UNC5B: variants seen among roughly 807,000 people sequenced by gnomAD.
UNC5B encodes unc-5 netrin receptor B.
UNC5B carries 56 observed loss-of-function variants against 103.7 expected under a neutral mutation model. The ratio of observed to expected loss-of-function variants is 0.54; its 90% CI spans 0.44 to 0.67. The LOEUF (loss-of-function observed/expected upper bound fraction) is 0.67, where lower values mean the gene tolerates loss of function less well. Ranked by LOEUF, UNC5B falls within the 30% of genes least tolerant of loss-of-function variation. The probability of loss-of-function intolerance (pLI) is 0.00; values close to 1 mark genes in which losing one functional copy is unlikely to be tolerated. For missense variants in UNC5B, 1,194 were observed against 1,284.5 expected (o/e 0.93, Z 1.08); for synonymous variants, 577 against 542.0 (o/e 1.06, Z -0.90).
chr10:71,260,783 C>T (rs1295560976), intron 1 of UNC5B, among the ~76,000 whole-genome samples: 1 of 152,252 alleles, frequency 6.6e-6, no homozygotes, highest in Non-Finnish European at 1.5e-5. Flanking sequence ...GACTGAGTCA[C>T]TGCAGGCCAA....
intron 1 of UNC5B, among the ~76,000 whole-genome samples, chr10:71,225,417 G>A (rs898466701): frequency 6.6e-6 from 1 of 152,222 alleles, no homozygotes; most frequent in Non-Finnish European, 1.5e-5. Context: ...GGCCACAGCT[G>A]TTGAGCTAAG....
At chr10:71,295,378 C>T (rs937834739) in intron 13 of UNC5B, among the ~76,000 whole-genome samples, 1 of 151,052 alleles carries the variant, frequency 6.6e-6, no homozygotes, top group African/African-American at 2.5e-5. Context: ...ATCCATCCAT[C>T]TGTCTTTCTG....
chr10:71,281,548 G>T (rs1844928706), intron 2 of UNC5B, among the ~76,000 whole-genome samples: 2 of 152,206 alleles, frequency 1.3e-5, no homozygotes, highest in Non-Finnish European at 2.9e-5. Flanking sequence ...CACCGTGTTA[G>T]CCAGGATGGT....
intron 1 of UNC5B, among the ~76,000 whole-genome samples, chr10:71,223,957 A>T (rs1843504482): frequency 6.6e-6 from 1 of 152,196 alleles, no homozygotes; most frequent in Non-Finnish European, 1.5e-5. Flanking sequence ...AGTTCTGGCC[A>T]TGGGGTCTGG....
At chr10:71,272,898 T>C (rs1844680529) in intron 1 of UNC5B, among the ~76,000 whole-genome samples, 1 of 151,838 alleles carries the variant, frequency 6.6e-6, no homozygotes, top group Non-Finnish European at 1.5e-5. Context: ...TTTGTTTGTT[T>C]GTTTGTTTTG....
At chr10:71,238,327 G>T (rs867571236) in intron 1 of UNC5B, among the ~76,000 whole-genome samples, 1 of 152,146 alleles carries the variant, frequency 6.6e-6, no homozygotes, top group Non-Finnish European at 1.5e-5. Context: ...CACTTCTCCA[G>T]AGTGGCTCTT....
chr10:71,251,853 A>G (rs1254715127), intron 1 of UNC5B, among the ~76,000 whole-genome samples: 1 of 152,108 alleles, frequency 6.6e-6, no homozygotes, highest in African/African-American at 2.4e-5. Flanking sequence ...CAGGAAAAAA[A>G]CCCACAGGCT....
Position 71,286,748 on chromosome 10 carries a change from C to A in UNC5B, c.612C>A (p.Leu204=), listed in dbSNP as rs1254785302. Residue 204 remains leucine (L), a synonymous_variant, in exon 5 of 17, where the codon CTC becomes CTA. Coordinates refer to ENST00000335350, the MANE Select transcript of UNC5B (RefSeq NM_170744.5). The part of the protein sequence containing the change: ...IDPTQDTNFL[L]TIDHNLIIRQ... The stretch of plus-strand genomic sequence containing the variant: ...CCACCCAGGACACCAACTTCCTGCT[C>A]ACCATCGACCACAACCTCATCATCC... The A allele has an allele frequency of 6.2e-7, 1 of 1,614,222 alleles. No individual in the cohort carries two copies. The highest frequency in any genetic ancestry group is 8.5e-7 in the Non-Finnish European group (1 of 1,180,042).
chr10:71,229,677 C>T (rs1450077303), intron 1 of UNC5B, among the ~76,000 whole-genome samples: 1 of 152,240 alleles, frequency 6.6e-6, no homozygotes, highest in Non-Finnish European at 1.5e-5. Flanking sequence ...TGGGGCATCT[C>T]CCTCTCACTT....
In UNC5B at chr10:71,293,708, G is replaced by C. The variant is rs542944999; in HGVS notation, c.1950G>C (p.Val650=). 33 of 1,590,134 alleles carry C rather than the reference G, an allele frequency of 2.1e-5. No homozygotes were observed. The South Asian group carries it at 3.5e-4, about 17-fold the overall frequency. The change falls in exon 13 of 17, where the codon GTG becomes GTC. Residue 650 remains valine, a synonymous_variant. Transcript: ENST00000335350. The stretch of plus-strand genomic sequence containing the variant: ...CTTGCTGTCCCCTACAGGAGGTGGT[G>C]ACCCTGGATGAGGAGACCCTGAACA... The part of the protein sequence containing the change: ...QAHQGHWEEV[V]TLDEETLNTP...
At chr10:71,255,232 C>T (rs566224575) in intron 1 of UNC5B, among the ~76,000 whole-genome samples, 16 of 152,348 alleles carry the variant, frequency 1.1e-4, no homozygotes, top group African/African-American at 3.6e-4. Context: ...CTGCGTTGAA[C>T]ATCTCCATGC....
intron 1 of UNC5B, among the ~76,000 whole-genome samples, chr10:71,219,950 G>A (rs1843419264): frequency 1.3e-5 from 2 of 152,208 alleles, no homozygotes. Flanking sequence ...ATGGGGGCTA[G>A]CTAGCTGGGT....
intron 1 of UNC5B, among the ~76,000 whole-genome samples, chr10:71,277,560 G>A (rs1475260634): frequency 6.6e-6 from 1 of 152,232 alleles, no homozygotes; most frequent in African/African-American, 2.4e-5. Context: ...CTCAGGGCAT[G>A]CACAGCAACC....
At chr10:71,216,737 T>G (rs775890096) in intron 1 of UNC5B, among the ~76,000 whole-genome samples, 16 of 152,210 alleles carry the variant, frequency 1.1e-4, no homozygotes, top group Middle Eastern at 3.2e-3. Flanking sequence ...AGACGAGGTC[T>G]GCCTCCTACG....
chr10:71,290,572 C>T (rs1339504866), intron 8 of UNC5B, among the ~76,000 whole-genome samples: 1 of 152,194 alleles, frequency 6.6e-6, no homozygotes, highest in Non-Finnish European at 1.5e-5. Flanking sequence ...GTTTCAGCCC[C>T]AGCACTCACA....
At chr10:71,284,187 C>T (rs1223787595) in intron 2 of UNC5B, among the ~76,000 whole-genome samples, 2 of 152,004 alleles carry the variant, frequency 1.3e-5, no homozygotes, top group Admixed American at 6.5e-5. Context: ...GGGCTTTCCT[C>T]GGGAAGTGAG....
Position 71,241,087 on chromosome 10 carries a change from C to T in UNC5B, c.79+28023C>T, listed in dbSNP as rs567865774. ...TCACTCTACTTGTATTGACCCTATTCATCTTCAAAGCCTCCTTAGGCAAGA... is the reference window on the plus strand; with the variant it reads ...TCACTCTACTTGTATTGACCCTATTTATCTTCAAAGCCTCCTTAGGCAAGA... On this transcript the variant is annotated intron_variant, in intron 1 of 16. Coordinates refer to ENST00000335350, the MANE Select transcript of UNC5B (RefSeq NM_170744.5). Among the ~76,000 whole-genome samples the T allele has an allele frequency of 6.6e-4, 101 of 152,336 alleles. 1 individual carries two copies. The highest frequency in any genetic ancestry group is 2.4e-3 in the African/African-American group (99 of 41,572).
intron 2 of UNC5B, among the ~76,000 whole-genome samples, chr10:71,283,504 CACCATGCCACCG>C: frequency 6.6e-6 from 1 of 152,346 alleles, no homozygotes; most frequent in Non-Finnish European, 1.5e-5. Flanking sequence ...TGTCCTTACC[CACCATGCCACCG>C]GCTGTGCGTA....
intron 1 of UNC5B, among the ~76,000 whole-genome samples, chr10:71,216,453 A>T (rs1843330901): frequency 6.6e-6 from 1 of 152,198 alleles, no homozygotes; most frequent in African/African-American, 2.4e-5. Context: ...AAGTGCCCAA[A>T]GGTGGCTCCC....
Sources: allele counts gnomAD v4.1 joint callset (sites outside exome capture counted in the v4.1 genomes callset), GRCh38; gene constraint gnomAD v4.1.1; transcripts MANE v1.5; gene names NCBI Gene and HGNC (gene_info 2026-07-23, HGNC 2026-07-21).